The following UBE3A variants were observed in gnomAD, a reference collection of about 807,000 sequenced individuals.
UBE3A encodes ubiquitin protein ligase E3A.
Under a neutral mutation model 83.4 loss-of-function variants are expected in UBE3A, and 6 were observed. The ratio of observed to expected loss-of-function variants is 0.07; its 90% CI spans 0.04 to 0.14. UBE3A has a LOEUF of 0.14. Among genes scored for constraint, UBE3A ranks in the 10% least tolerant of loss-of-function variants. UBE3A has a pLI of 1.00. For missense variants in UBE3A, 456 were observed against 1,036.1 expected (o/e 0.44, Z 7.69); for synonymous variants, 337 against 355.4 (o/e 0.95, Z 0.58).
At chr15:25,402,151 A>G (rs1394985430) in intron 4 of UBE3A, among the ~76,000 whole-genome samples, 1 of 152,178 alleles carries the variant, frequency 6.6e-6, no homozygotes, top group African/African-American at 2.4e-5. Flanking sequence ...CATTTGAAGA[A>G]GCTGAGACTT....
At chr15:25,373,933 T>A (rs2080747601) in intron 5 of UBE3A, 1 of 152,240 alleles carries the variant, frequency 6.6e-6, no homozygotes. Flanking sequence ...GTGATAAATG[T>A]GTCCCTGAAA....
intron 4 of UBE3A, among the ~76,000 whole-genome samples, chr15:25,395,727 A>C (rs2085401961): frequency 6.6e-6 from 1 of 152,230 alleles, no homozygotes; most frequent in African/African-American, 2.4e-5. Context: ...TGGAAATAGA[A>C]GAGTTGTCAA....
chr15:25,407,178 T>C, intron 3 of UBE3A: 1 of 1,343,232 alleles, frequency 7.4e-7, no homozygotes. Flanking sequence ...CTGACTCATT[T>C]TTGAAAGTGC....
chr15:25,398,792 T>TATATATATATATATAAATAC (rs2086289961), intron 4 of UBE3A, among the ~76,000 whole-genome samples: 1 of 68,592 alleles, frequency 1.5e-5, no homozygotes, highest in East Asian at 1.6e-3. Flanking sequence ...TATATATATA[T>TATATATATATATATAAATAC]ATATATATAT....
chr15:25,400,176 T>C (rs138469187), intron 4 of UBE3A, among the ~76,000 whole-genome samples: 58 of 152,344 alleles, frequency 3.8e-4, no homozygotes, highest in African/African-American at 1.3e-3. Flanking sequence ...ATTTGTATCA[T>C]CTTCAATTTC....
rs144950303 is a variant in UBE3A at position 25,371,527 on chromosome 15, T to G, written c.647A>C (p.Gln216Pro). 20 of 1,614,056 alleles carry G rather than the reference T, an allele frequency of 1.2e-5. No individual in the cohort carries two copies. The highest frequency in any genetic ancestry group is 6.7e-5 in the Admixed American group (4 of 60,012). ...ASSSRIGDSS[Q>P]GDNNLQKLGP... ...TAATTTTTGCAAATTGTTGTCTCCC[T>G]GTGAGCTATCACCTATCCTTGAGGA... Residue 216 changes from glutamine (Q) to proline (P), a missense_variant, in exon 6 of 13, where the codon CAG (glutamine) becomes CCG (proline). Transcript: ENST00000648336. This position sits in a 1 kb window ranked among gnomAD's most constrained non-coding sequence, Gnocchi z 5.3.
At chr15:25,421,408 G>A (rs890421100) in intron 1 of UBE3A, among the ~76,000 whole-genome samples, 4 of 152,218 alleles carry the variant, frequency 2.6e-5, no homozygotes, top group South Asian at 2.1e-4. Flanking sequence ...TTAAGGCAAC[G>A]CAAGAATGGC....
At chr15:25,429,468 G>A (rs1196123066) in intron 1 of UBE3A, among the ~76,000 whole-genome samples, 4 of 152,074 alleles carry the variant, frequency 2.6e-5, no homozygotes, top group Admixed American at 2.0e-4. Flanking sequence ...AGCATATAAT[G>A]TCCAAGCTGA....
intron 4 of UBE3A, among the ~76,000 whole-genome samples, chr15:25,379,200 T>C (rs2081743800): frequency 6.6e-6 from 1 of 152,196 alleles, no homozygotes; most frequent in African/African-American, 2.4e-5. Flanking sequence ...ATAAAGTGCT[T>C]AGAACATTGC....
rs1260418313 is a variant in UBE3A at position 25,364,641 on chromosome 15, G to GTTTTTTTTT, written c.1609-4115_1609-4114insAAAAAAAAA. The stretch of plus-strand genomic sequence containing the variant: ...CACGTGGATTTTTAGGGTTTTTTTT[G>GTTTTTTTTT]TTTGTTTTTTTTTTTTTTTTGAGAC... On this transcript the variant is annotated intron_variant, in intron 6 of 12. Transcript: ENST00000648336. Among the ~76,000 whole-genome samples the GTTTTTTTTT allele has an allele frequency of 1.4e-4, 18 of 132,494 alleles. 2 individuals carry two copies. The highest frequency in any genetic ancestry group is 4.3e-4 in the African/African-American group (14 of 32,474). 86.9% of individuals were successfully genotyped at this position (132,494 alleles called of 152,430 possible).
chr15:25,378,899 A>T (rs2081680221), intron 4 of UBE3A, among the ~76,000 whole-genome samples: 1 of 152,146 alleles, frequency 6.6e-6, no homozygotes, highest in Admixed American at 6.6e-5. Flanking sequence ...CTGCAAAGTT[A>T]ATTTCTCTCT....
chr15:25,380,409 C>G (rs1230621420), intron 4 of UBE3A, among the ~76,000 whole-genome samples: 1 of 152,118 alleles, frequency 6.6e-6, no homozygotes, highest in Non-Finnish European at 1.5e-5. Flanking sequence ...AAAATGTTTG[C>G]CAACCCTTAG....
At chr15:25,364,467 G>T (rs536171060) in intron 6 of UBE3A, among the ~76,000 whole-genome samples, 8 of 152,154 alleles carry the variant, frequency 5.3e-5, no homozygotes, top group Non-Finnish European at 1.5e-5. Context: ...ATTGTATGTT[G>T]TTGTTTAAAC....
At chr15:25,364,705 G>C (rs1033546765) in intron 6 of UBE3A, among the ~76,000 whole-genome samples, 1 of 149,186 alleles carries the variant, frequency 6.7e-6, no homozygotes, top group African/African-American at 2.5e-5. Context: ...GTGCAGTGGC[G>C]CAATCTTGGC....
chr15:25,339,347 T>C (rs1198149364), intron 12 of UBE3A, 90 bp from the exon 13 acceptor site: 10 of 1,511,158 alleles, frequency 6.6e-6, no homozygotes, highest in East Asian at 4.6e-5. Flanking sequence ...AGATTGTATA[T>C]AGTTGAGACG....
At position 25,335,729 on chromosome 15, in the gene UBE3A, A is replaced by T. The variant is rs1294857800; in HGVS notation, c.*3408T>A. On this transcript the variant is annotated 3_prime_UTR_variant, in exon 13 of 13. Transcript: ENST00000648336. ...ATGAGGTAACAAAGAAATCCCAGAGACAGAGGTCTGAGCAAAAGATATGGG... is the reference window on the plus strand; with the variant it reads ...ATGAGGTAACAAAGAAATCCCAGAGTCAGAGGTCTGAGCAAAAGATATGGG... 1 of 152,220 alleles carries T rather than the reference A, an allele frequency of 6.6e-6. No individual in the cohort carries two copies. Among genetic ancestry groups the T allele is most frequent in the African/African-American group, 2.4e-5 (1 of 41,448 alleles). The allele number at this position is 152,220 out of a possible 1,614,324, so 9.4% of individuals were successfully genotyped here. A position where few individuals can be genotyped will look rare whatever the true frequency, so the allele number is the denominator to read the frequency against.
intron 11 of UBE3A, among the ~76,000 whole-genome samples, chr15:25,343,766 A>AC (rs2075252615): frequency 6.6e-6 from 1 of 152,200 alleles, no homozygotes; most frequent in African/African-American, 2.4e-5. Flanking sequence ...TCCTTAACAT[A>AC]TAAAGTTTCT....
chr15:25,378,203 T>C (rs141738295), intron 4 of UBE3A, among the ~76,000 whole-genome samples: 4 of 152,306 alleles, frequency 2.6e-5, no homozygotes, highest in Non-Finnish European at 5.9e-5. Context: ...TGAGCTTTTA[T>C]ACTAAAATAA....
In UBE3A at chr15:25,336,233, G is replaced by C. The variant is rs1386258898; in HGVS notation, c.*2904C>G. The C allele has an allele frequency of 6.6e-6, 1 of 152,208 alleles. No homozygotes were observed. 9.4% of individuals were successfully genotyped at this position (152,208 alleles called of 1,614,324 possible). On this transcript the variant is annotated 3_prime_UTR_variant, in exon 13 of 13. Transcript: ENST00000648336. The stretch of plus-strand genomic sequence containing the variant: ...GTTTTTGGATTATACAGTGGCTCAT[G>C]GAAGGGTGGGAGGGGTACAGATGGC...
Sources: gnomAD v4.1 joint callset for allele counts (sites outside exome capture counted in the v4.1 genomes callset) on GRCh38, gnomAD v4.1.1 for gene constraint, Gnocchi (gnomAD v3.1) non-coding constraint, MANE v1.5 for transcripts, NCBI Gene and HGNC (gene_info 2026-07-23, HGNC 2026-07-21) for gene names.